Variants in PLXNA2 observed in about 807,000 individuals in gnomAD.
PLXNA2 encodes plexin A2, also known as plexin-A2.
A neutral mutation model predicts 193.5 loss-of-function variants in PLXNA2; 91 were observed. That is an observed-to-expected ratio of 0.47 (90% confidence interval 0.40 to 0.56). PLXNA2 has a LOEUF of 0.56. Ranked by LOEUF, PLXNA2 falls within the 20% of genes least tolerant of loss-of-function variation. The pLI is 0.00. For synonymous variants in PLXNA2, 997 were observed against 1,027.3 expected (o/e 0.97, Z 0.56); for missense variants, 1,995 against 2,503.2 (o/e 0.80, Z 4.33).
chr1:208,240,197 C>T (rs909288213), intron 1 of PLXNA2, among the ~76,000 whole-genome samples: 2 of 152,230 alleles, frequency 1.3e-5, no homozygotes, highest in African/African-American at 4.8e-5. Flanking sequence ...TCTATTTATG[C>T]CCTCCAATTC....
intron 12 of PLXNA2, among the ~76,000 whole-genome samples, chr1:208,073,939 G>A (rs1666054454): frequency 2.0e-5 from 3 of 152,048 alleles, no homozygotes; most frequent in Admixed American, 2.0e-4. Flanking sequence ...CGCTCAGAAG[G>A]AACCCACGCT....
chr1:208,149,679 T>C (rs1204642273), intron 3 of PLXNA2, among the ~76,000 whole-genome samples: 1 of 151,772 alleles, frequency 6.6e-6, no homozygotes, highest in African/African-American at 2.4e-5. Flanking sequence ...TTAATGAGAG[T>C]GTATCTGGAG....
intron 4 of PLXNA2, among the ~76,000 whole-genome samples, chr1:208,117,065 G>A (rs1667658872): frequency 6.6e-6 from 1 of 152,178 alleles, no homozygotes; most frequent in African/African-American, 2.4e-5. Flanking sequence ...CAGCTACTCA[G>A]GAGGCTGAGG....
intron 12 of PLXNA2, among the ~76,000 whole-genome samples, chr1:208,065,933 G>T (rs1665781572): frequency 6.6e-6 from 1 of 152,172 alleles, no homozygotes; most frequent in East Asian, 1.9e-4. Context: ...CCATTCTGGG[G>T]TAGGTGCAGC....
intron 3 of PLXNA2, among the ~76,000 whole-genome samples, chr1:208,206,561 C>G (rs1479459107): frequency 6.6e-6 from 1 of 152,126 alleles, no homozygotes; most frequent in Non-Finnish European, 1.5e-5. Context: ...CTTCTCTCCC[C>G]CAACTCATCA....
chr1:208,063,069 A>G lies in PLXNA2; in HGVS notation c.2587-2232T>C, dbSNP rs796949613. On this transcript the variant is annotated intron_variant, in intron 12 of 31. Coordinates refer to ENST00000367033, the MANE Select transcript of PLXNA2 (RefSeq NM_025179.4). Reference sequence around the variant, plus strand: ...AGCCCCTCCATCCCCTTCCCTAGCCACCTGGATGGCATGAACCCACCTACC... The same window carrying G: ...AGCCCCTCCATCCCCTTCCCTAGCCGCCTGGATGGCATGAACCCACCTACC... Among the ~76,000 whole-genome samples the G allele has an allele frequency of 1.4e-4, 21 of 152,234 alleles. 1 individual carries two copies. The highest frequency in any genetic ancestry group is 4.8e-4 in the African/African-American group (20 of 41,566).
At chr1:208,071,630 C>T (rs1295196123) in intron 12 of PLXNA2, among the ~76,000 whole-genome samples, 1 of 152,344 alleles carries the variant, frequency 6.6e-6, no homozygotes, top group Non-Finnish European at 1.5e-5. Context: ...TCCTGCCCGG[C>T]GTGAATCCTT....
intron 2 of PLXNA2, among the ~76,000 whole-genome samples, chr1:208,213,793 C>T: frequency 6.6e-6 from 1 of 152,220 alleles, no homozygotes; most frequent in East Asian, 1.9e-4. Flanking sequence ...GCAGCCCTTG[C>T]ACCAGAAGGG....
rs111257620 is a variant in PLXNA2, at chr1:208,167,170, C to T, written c.1372-24707G>A. 3.6e-3 allele frequency among the ~76,000 whole-genome samples: 544 copies of T among 152,206 alleles called. 4 individuals are homozygous for T. The highest frequency in any genetic ancestry group is 0.012 in the African/African-American group (491 of 41,512). The stretch of plus-strand genomic sequence containing the variant: ...CTTATTCTCTCAGTAAATCTTGGAC[C>T]ACAGCTCCTAATGAGGACTCCCCTG... On this transcript the variant is annotated intron_variant, in intron 3 of 31. Transcript: ENST00000367033.
At chr1:208,202,039 T>C (rs1218447686) in intron 3 of PLXNA2, among the ~76,000 whole-genome samples, 1 of 151,384 alleles carries the variant, frequency 6.6e-6, no homozygotes, top group Non-Finnish European at 1.5e-5. Flanking sequence ...AATGCAGTGG[T>C]GCAATCTCAG....
intron 17 of PLXNA2, among the ~76,000 whole-genome samples, chr1:208,048,844 G>C (rs570750258): frequency 6.6e-6 from 1 of 152,304 alleles, no homozygotes; most frequent in South Asian, 2.1e-4. Flanking sequence ...GGGCCTTGCT[G>C]ACTGGGGAGG....
At chr1:208,127,708 G>T (rs1273002978) in intron 4 of PLXNA2, among the ~76,000 whole-genome samples, 1 of 152,218 alleles carries the variant, frequency 6.6e-6, no homozygotes, top group East Asian at 1.9e-4. Context: ...AGCTCAAAAA[G>T]TTGGATGAGG....
chr1:208,170,281 T>A (rs537822198), intron 3 of PLXNA2, among the ~76,000 whole-genome samples: 1 of 152,368 alleles, frequency 6.6e-6, no homozygotes, highest in Non-Finnish European at 1.5e-5. Context: ...TTTATCTTCC[T>A]CTTAGCCCAA....
chr1:208,042,550 G>A (rs188460292), intron 21 of PLXNA2, among the ~76,000 whole-genome samples, 184 bp from the exon 22 acceptor site: 11 of 152,258 alleles, frequency 7.2e-5, no homozygotes, highest in African/African-American at 2.4e-4. Context: ...CTCTAAGGTC[G>A]ACAGTCTGCT....
chr1:208,178,881 T>G (rs753827090), intron 3 of PLXNA2, among the ~76,000 whole-genome samples: 24 of 152,246 alleles, frequency 1.6e-4, no homozygotes, highest in Admixed American at 1.1e-3. Flanking sequence ...GTGATCTGTA[T>G]TTTAATAAGC....
At chr1:208,091,575 T>C (rs1328104169) in intron 9 of PLXNA2, among the ~76,000 whole-genome samples, 2 of 152,172 alleles carry the variant, frequency 1.3e-5, no homozygotes, top group Non-Finnish European at 1.5e-5. Context: ...AAGATGTGTA[T>C]AGAAAGGCTA....
chr1:208,040,016 G>C lies in PLXNA2; in HGVS notation c.4329C>G (p.Ala1443=), dbSNP rs1393861043. The C allele has an allele frequency of 6.2e-7, 1 of 1,614,146 alleles. No individual in the cohort carries two copies. The highest frequency in any genetic ancestry group is 1.1e-5 in the South Asian group (1 of 91,080). Residue 1443 remains alanine, a synonymous_variant, in exon 23 of 32, where the codon GCC becomes GCG. Coordinates refer to ENST00000367033, the MANE Select transcript of PLXNA2 (RefSeq NM_025179.4). ...CCTTTAGGAACTTGTGCAGGAGGAA[G>C]GCGAACCAATTGGTCAGCATCTTTT... ...VAEKMLTNWF[A]FLLHKFLKEC... is the part of the protein sequence containing the mutation.
At chr1:208,147,605 C>T (rs1668639122) in intron 3 of PLXNA2, among the ~76,000 whole-genome samples, 1 of 152,214 alleles carries the variant, frequency 6.6e-6, no homozygotes, top group African/African-American at 2.4e-5. Context: ...TCCAAGCATT[C>T]CTGAGGTAAA....
Position 208,163,052 on chromosome 1 carries a change from G to C in PLXNA2, c.1372-20589C>G, listed in dbSNP as rs183634975. ...CACTTCATCAGGCAGAGAGAGGGAG[G>C]CATGGCAGGGACAGCTTGAGTCAAG... On this transcript the variant is annotated intron_variant, in intron 3 of 31. Coordinates refer to ENST00000367033, the MANE Select transcript of PLXNA2 (RefSeq NM_025179.4). Among the ~76,000 whole-genome samples, 401 of 152,224 alleles carry C rather than the reference G, an allele frequency of 2.6e-3. 2 individuals carry two copies. The highest frequency in any genetic ancestry group is 9.1e-3 in the African/African-American group (380 of 41,534).
Sources: gnomAD v4.1 joint callset for allele counts (sites outside exome capture counted in the v4.1 genomes callset) on GRCh38, gnomAD v4.1.1 for gene constraint, MANE v1.5 for transcripts, NCBI Gene and HGNC (gene_info 2026-07-23, HGNC 2026-07-21) for gene names.